NUP153: variants seen among roughly 807,000 people sequenced by gnomAD.
The protein encoded by NUP153 is nuclear pore complex protein Nup153.
A neutral mutation model predicts 134.6 loss-of-function variants in NUP153; 27 were observed. The observed-to-expected ratio is 0.20, with a 90% CI of 0.15 to 0.28. The LOEUF (loss-of-function observed/expected upper bound fraction) is 0.28. NUP153 is among the 10% of genes least tolerant of loss of function. The probability of loss-of-function intolerance (pLI) is 1.00; values close to 1 mark genes in which losing one functional copy is unlikely to be tolerated. For missense variants in NUP153, 1,821 were observed against 1,731.3 expected (o/e 1.05, Z -0.92); for synonymous variants, 640 against 623.5 (o/e 1.03, Z -0.40).
chr6:17,669,142 G>T, intron 7 of NUP153, 114 bp from the exon 8 acceptor site: 1 of 1,000,204 alleles, frequency 1.0e-6, no homozygotes, highest in South Asian at 1.6e-5. Flanking sequence ...GCAGTGGCGC[G>T]ATCTTGACTC....
intron 1 of NUP153, among the ~76,000 whole-genome samples, chr6:17,698,225 G>A (rs35374838): frequency 0.072 from 10,891 of 152,230 alleles, 497 homozygotes; most frequent in Admixed American, 0.11. Context: ...GGTAAACTTC[G>A]CTGCTGAATG....
At chr6:17,634,989 A>T (rs962285461) in intron 16 of NUP153, among the ~76,000 whole-genome samples, 3 of 152,294 alleles carry the variant, frequency 2.0e-5, no homozygotes, top group African/African-American at 2.4e-5. Context: ...TAAAAAAAAA[A>T]AATAAATCGC....
chr6:17,670,889 C>T (rs1168146333), intron 5 of NUP153, among the ~76,000 whole-genome samples: 1 of 152,074 alleles, frequency 6.6e-6, no homozygotes, highest in Non-Finnish European at 1.5e-5. Flanking sequence ...CGGCTCACTG[C>T]AACCTCCGCC....
At chr6:17,623,345 C>A (rs28550474) in intron 20 of NUP153, among the ~76,000 whole-genome samples, 2 of 95,862 alleles carry the variant, frequency 2.1e-5, no homozygotes, top group Admixed American at 1.3e-4. Flanking sequence ...AAAAGCCAAA[C>A]TGAAAAATGG....
chr6:17,700,802 G>A (rs984657211), intron 1 of NUP153, among the ~76,000 whole-genome samples: 3 of 152,134 alleles, frequency 2.0e-5, no homozygotes, highest in African/African-American at 7.2e-5. Flanking sequence ...ATTTGCTAAA[G>A]GACTTTTAAA....
chr6:17,662,047 T>G lies in NUP153; in HGVS notation c.1239A>C (p.Thr413=). 2 of 1,612,222 alleles carry G rather than the reference T, an allele frequency of 1.2e-6. No homozygotes were observed. The highest frequency in any genetic ancestry group is 1.7e-6 in the Non-Finnish European group (2 of 1,178,892). ...CTCGTTGTTCTCTATTTTGTCCGGG[T>G]GTCATATTTTTTTCATATCCAGTCT... ...KCSTGYEKNM[T]PGQNREQRES... Residue 413 remains threonine (T), a synonymous_variant, in exon 10 of 22, where the codon ACA becomes ACC. Coordinates refer to ENST00000262077, the MANE Select transcript of NUP153 (RefSeq NM_005124.4).
intron 2 of NUP153, among the ~76,000 whole-genome samples, chr6:17,678,944 AT>A (rs1160556871): frequency 3.1e-4 from 5 of 16,018 alleles, no homozygotes; most frequent in South Asian, 3.0e-3. Context: ...AGACTATCTC[AT>A]TTAAAAAAAA....
intron 2 of NUP153, 63 bp downstream of exon 2, chr6:17,688,307 CTGATTAGATTTACCATAACTAGGTAG>C: frequency 1.1e-6 from 1 of 915,310 alleles, no homozygotes; most frequent in Non-Finnish European, 1.7e-6. Flanking sequence ...TATGTACCGC[CTGATTAGATTTACCATAACTAGGTAG>C]TGTCTTCAAA....
At position 17,625,642 on chromosome 6, in the gene NUP153, T is replaced by A. The variant is rs966623295; in HGVS notation, c.3901+166A>T. ...ATATGTTAAAGTTGAACACAGAGAGTGTACATTATTCCATACAGTGAATAA... is the reference window on the plus strand; with the variant it reads ...ATATGTTAAAGTTGAACACAGAGAGAGTACATTATTCCATACAGTGAATAA... On this transcript the variant is annotated intron_variant, in intron 19 of 21. Transcript: ENST00000262077. The surrounding 1 kb of genome is among the most constrained non-coding windows in gnomAD (Gnocchi z 4.7). Among the ~76,000 whole-genome samples the A allele has an allele frequency of 2.0e-5, 3 of 152,110 alleles. No homozygotes were observed. Among genetic ancestry groups the A allele is most frequent in the African/African-American group, 7.2e-5 (3 of 41,410 alleles).
chr6:17,702,463 G>A (rs1027783982), intron 1 of NUP153, among the ~76,000 whole-genome samples: 3 of 152,022 alleles, frequency 2.0e-5, no homozygotes, highest in South Asian at 4.1e-4. Flanking sequence ...AGCAGAGATC[G>A]TGCCACTGCA....
intron 1 of NUP153, among the ~76,000 whole-genome samples, chr6:17,696,824 G>A (rs1440164963): frequency 1.3e-5 from 2 of 151,970 alleles, no homozygotes; most frequent in Non-Finnish European, 2.9e-5. Flanking sequence ...TGTAATCCCA[G>A]CACATTGGGA....
chr6:17,649,281 A>G lies in NUP153; in HGVS notation c.1415T>C (p.Leu472Ser). The change falls in exon 12 of 22, where the codon TTA (leucine) becomes TCA (serine). Residue 472 changes from leucine to serine, a missense_variant. Transcript: ENST00000262077. ...LEEEEMEVPV[L>S]PKISLPITSS... ...GGTGATCGGTAGAGAGATTTTCGGT[A>G]ATACTGGAACTTCCATTTCCTAAAA... 6.2e-7 allele frequency: 1 copy of G among 1,612,498 alleles called. No homozygotes were observed. Among genetic ancestry groups the G allele is most frequent in the East Asian group, 2.2e-5 (1 of 44,822 alleles).
chr6:17,626,560 T>C (rs951135922), intron 18 of NUP153, among the ~76,000 whole-genome samples: 2 of 152,244 alleles, frequency 1.3e-5, no homozygotes, highest in Non-Finnish European at 2.9e-5. Flanking sequence ...TTTATCTAAA[T>C]GGATAGCCAA....
rs112802398 is a variant in NUP153 at position 17,701,078 on chromosome 6, A to G, written c.111+5199T>C. Reference sequence around the variant, plus strand: ...CCATCTCTACTAAAAATACAAAATTAGCTGGGAGTGGTGGCGCATGCCTGT... The same window carrying G: ...CCATCTCTACTAAAAATACAAAATTGGCTGGGAGTGGTGGCGCATGCCTGT... On this transcript the variant is annotated intron_variant, in intron 1 of 21. Transcript: ENST00000262077. Among the ~76,000 whole-genome samples, 682 of 152,212 alleles carry G rather than the reference A, an allele frequency of 4.5e-3. 2 individuals are homozygous for G. The highest frequency in any genetic ancestry group is 7.2e-3 in the Non-Finnish European group (488 of 68,006).
intron 1 of NUP153, among the ~76,000 whole-genome samples, chr6:17,701,592 C>T (rs551619384): frequency 2.5e-4 from 37 of 148,164 alleles, no homozygotes; most frequent in Admixed American, 2.2e-3. Flanking sequence ...ACCCAGGAGG[C>T]GGAGGTTGCA....
chr6:17,652,880 T>A (rs1160338796), intron 11 of NUP153, among the ~76,000 whole-genome samples: 1 of 151,088 alleles, frequency 6.6e-6, no homozygotes, highest in Non-Finnish European at 1.5e-5. Flanking sequence ...AAAAAAAAAA[T>A]TAGCTGGGCG....
intron 8 of NUP153, among the ~76,000 whole-genome samples, chr6:17,666,934 A>G (rs1315088845): frequency 6.6e-6 from 1 of 152,226 alleles, no homozygotes; most frequent in African/African-American, 2.4e-5. Flanking sequence ...GTGACCTTAC[A>G]TACAACTCAA....
chr6:17,618,757 G>C (rs749789563), intron 20 of NUP153, among the ~76,000 whole-genome samples: 1 of 151,974 alleles, frequency 6.6e-6, no homozygotes, highest in Non-Finnish European at 1.5e-5. Context: ...TAGTAGAGAT[G>C]GGGTTTCACC....
At chr6:17,623,296 T>C (rs1367340829) in intron 20 of NUP153, among the ~76,000 whole-genome samples, 1 of 135,180 alleles carries the variant, frequency 7.4e-6, no homozygotes, top group Non-Finnish European at 1.5e-5. Flanking sequence ...AAAGTACCAA[T>C]ATCCAGAATA....
Sources: gnomAD v4.1 joint callset for allele counts (sites outside exome capture counted in the v4.1 genomes callset) on GRCh38, gnomAD v4.1.1 for gene constraint, Gnocchi (gnomAD v3.1) non-coding constraint, MANE v1.5 for transcripts, NCBI Gene and HGNC (gene_info 2026-07-23, HGNC 2026-07-21) for gene names.